OSBPL3: variants seen among roughly 807,000 people sequenced by gnomAD.
OSBPL3 encodes the protein oxysterol-binding protein-related protein 3.
Under a neutral mutation model 120.1 loss-of-function variants are expected in OSBPL3, and 65 were observed. That is an observed-to-expected ratio of 0.54 (90% CI 0.44 to 0.67). The LOEUF is 0.67. Among genes scored for constraint, OSBPL3 ranks in the 30% least tolerant of loss-of-function variants. The pLI is 0.00. For missense variants in OSBPL3, 1,004 were observed against 1,082.1 expected, an observed-to-expected ratio of 0.93 and a Z score of 1.01; for synonymous variants, 416 against 402.6, an observed-to-expected ratio of 1.03 and a Z score of -0.40.
At chr7:24,845,445 ATG>A (rs112776265) in intron 12 of OSBPL3, among the ~76,000 whole-genome samples, 48 of 114,790 alleles carry the variant, frequency 4.2e-4, no homozygotes, top group East Asian at 2.3e-3. Context: ...ATTTGTGTGT[ATG>A]TGTGTGTGTG....
Position 24,830,738 on chromosome 7 carries a change from C to T in OSBPL3, c.1884+30G>A, listed in dbSNP as rs780774366. On this transcript the variant is annotated intron_variant, in intron 16 of 22. Transcript: ENST00000313367. The surrounding 1 kb of genome is among the most constrained non-coding windows in gnomAD (Gnocchi z 4.4). The stretch of plus-strand genomic sequence containing the variant: ...TTAATGGGAGACATAAGCAACCCCT[C>T]CCAACAAGCAAAAAATGGTGTACAT... 1.9e-6 allele frequency: 3 copies of T among 1,584,096 alleles called. No homozygotes were observed. The South Asian group carries it at 3.5e-5, about 19-fold the overall frequency.
At chr7:24,842,138 A>T in intron 13 of OSBPL3, 141 bp downstream of exon 13, 1 of 822,700 alleles carries the variant, frequency 1.2e-6, no homozygotes, top group Non-Finnish European at 2.0e-6. Context: ...GGTATGAGTT[A>T]TGGGAGAACT....
At chr7:24,897,615 G>A (rs1336943110) in intron 1 of OSBPL3, among the ~76,000 whole-genome samples, 4 of 152,232 alleles carry the variant, frequency 2.6e-5, no homozygotes, top group Middle Eastern at 3.4e-3. Flanking sequence ...GTGAGCCACC[G>A]CGCCCGGCCA....
rs1800807241 is a variant in OSBPL3, at chr7:24,863,099, C to A, written c.870+101G>T. On this transcript the variant is annotated intron_variant, in intron 9 of 22. Coordinates refer to ENST00000313367, the MANE Select transcript of OSBPL3 (RefSeq NM_015550.4). The surrounding 1 kb of genome is among the most constrained non-coding windows in gnomAD (Gnocchi z 5.8). ...CTGGAAAGAACAACTACAGAATATT[C>A]ACTCATCTATTCTCCTAGCTGAGTC... 3 of 787,566 alleles carry A rather than the reference C, an allele frequency of 3.8e-6. No individual in the cohort carries two copies. Among genetic ancestry groups the A allele is most frequent in the African/African-American group, 3.4e-5 (2 of 58,818 alleles). The allele number at this position is 787,566 out of a possible 1,614,324, so 48.8% of individuals were successfully genotyped here. A position where few individuals can be genotyped will look rare whatever the true frequency, so the allele number is the denominator to read the frequency against.
chr7:24,803,701 G>T lies in OSBPL3; in HGVS notation c.2567+614C>A, dbSNP rs1415378384. Among the ~76,000 whole-genome samples the T allele has an allele frequency of 6.6e-6, 1 of 152,060 alleles. No individual in the cohort carries two copies. The highest frequency in any genetic ancestry group is 6.5e-5 in the Admixed American group (1 of 15,270). Reference sequence around the variant, plus strand: ...CAGGAGAATCGCTTGAACCCAGGAGGTGGAGGCTGCAGTGAGTCAAGATGG... The same window carrying T: ...CAGGAGAATCGCTTGAACCCAGGAGTTGGAGGCTGCAGTGAGTCAAGATGG... On this transcript the variant is annotated intron_variant, in intron 22 of 22. Transcript: ENST00000313367. This position sits in a 1 kb window ranked among gnomAD's most constrained non-coding sequence, Gnocchi z 4.2.
intron 1 of OSBPL3, among the ~76,000 whole-genome samples, chr7:24,950,335 C>G (rs1814243267): frequency 6.6e-6 from 1 of 152,200 alleles, no homozygotes. Flanking sequence ...GTCCTTATAA[C>G]TAGGGCTTAC....
In OSBPL3 at chr7:24,822,425, C is replaced by T. The variant is rs1313549348; in HGVS notation, c.1885-2187G>A. On this transcript the variant is annotated intron_variant, in intron 16 of 22. Transcript: ENST00000313367. This position sits in a 1 kb window ranked among gnomAD's most constrained non-coding sequence, Gnocchi z 5.8. ...GACCAGCCTGGGCAACATAGTGAGA[C>T]ACTATCTATAATAATAATAACCATT... 6.6e-6 allele frequency among the ~76,000 whole-genome samples: 1 copy of T among 152,118 alleles called. No homozygotes were observed. The highest frequency in any genetic ancestry group is 6.6e-5 in the Admixed American group (1 of 15,264).
chr7:24,870,770 T>C lies in OSBPL3; in HGVS notation c.343A>G (p.Ile115Val). ...VMSVKKSSKC[I>V]DLDTEEHIYH... is the part of the protein sequence containing the mutation. ...ATGTGCTCCTCGGTGTCAAGGTCTA[T>C]GCATTTTGATGACTTCTTTACAGAC... The change falls in exon 5 of 23, where the codon ATA becomes GTA. Residue 115 changes from isoleucine (I) to valine (V), a missense_variant. Physicochemically the swap from Ile to Val is conservative, Grantham distance 29. This residue lies in a region of OSBPL3 where 255 missense variants were observed against 248.7 expected (regional missense o/e 1.03). Transcript: ENST00000313367. The C allele has an allele frequency of 1.2e-6, 2 of 1,613,124 alleles. No homozygotes were observed. The highest frequency in any genetic ancestry group is 1.7e-6 in the Non-Finnish European group (2 of 1,178,998).
At chr7:24,903,215 C>T (rs998015768) in intron 1 of OSBPL3, among the ~76,000 whole-genome samples, 1 of 152,198 alleles carries the variant, frequency 6.6e-6, no homozygotes, top group African/African-American at 2.4e-5. Context: ...CCAGCCTCAA[C>T]TTGACAGTTC....
chr7:24,843,166 A>C (rs1232124957), intron 12 of OSBPL3, among the ~76,000 whole-genome samples: 1 of 152,130 alleles, frequency 6.6e-6, no homozygotes, highest in Non-Finnish European at 1.5e-5. Context: ...AGGATATAAC[A>C]ATGAACCAGA....
chr7:24,925,755 C>A (rs896943135), intron 1 of OSBPL3, among the ~76,000 whole-genome samples: 3 of 152,178 alleles, frequency 2.0e-5, no homozygotes, highest in Admixed American at 6.5e-5. Flanking sequence ...AGAGATAGGT[C>A]CTACTGATGG....
At chr7:24,848,709 G>A (rs2128221257) in intron 12 of OSBPL3, among the ~76,000 whole-genome samples, 1 of 152,132 alleles carries the variant, frequency 6.6e-6, no homozygotes, top group African/African-American at 2.4e-5. Flanking sequence ...AGATACTGCA[G>A]GTCAGAGAAA....
intron 2 of OSBPL3, among the ~76,000 whole-genome samples, chr7:24,875,051 C>T (rs1297569692): frequency 6.6e-6 from 1 of 152,208 alleles, no homozygotes; most frequent in Non-Finnish European, 1.5e-5. Context: ...TCCCACAATG[C>T]CTCGGTCTTG....
intron 12 of OSBPL3, among the ~76,000 whole-genome samples, chr7:24,847,651 C>T (rs1006895740): frequency 4.6e-5 from 7 of 152,052 alleles, no homozygotes; most frequent in Non-Finnish European, 8.8e-5. Context: ...CATAAATGAA[C>T]GTTATGTATT....
intron 1 of OSBPL3, among the ~76,000 whole-genome samples, chr7:24,962,695 A>G (rs1815924992): frequency 6.6e-6 from 1 of 152,206 alleles, no homozygotes; most frequent in Admixed American, 6.5e-5. Context: ...TCATGTGAAA[A>G]CAGGCTAAGA....
At chr7:24,885,216 T>A (rs538940920) in intron 2 of OSBPL3, among the ~76,000 whole-genome samples, 1 of 139,630 alleles carries the variant, frequency 7.2e-6, no homozygotes, top group African/African-American at 2.8e-5. Flanking sequence ...AGTGAGACTC[T>A]GTCTCAAAAA....
rs144422935 is a variant in OSBPL3 at position 24,808,331 on chromosome 7, GA to G, written c.2318-1430del. 1.9e-3 allele frequency among the ~76,000 whole-genome samples: 287 copies of G among 152,316 alleles called. No individual in the cohort carries two copies. The highest frequency in any genetic ancestry group is 6.4e-3 in the African/African-American group (268 of 41,568). On this transcript the variant is annotated intron_variant, in intron 20 of 22. Transcript: ENST00000313367. This position sits in a 1 kb window ranked among gnomAD's most constrained non-coding sequence, Gnocchi z 4.6. The stretch of plus-strand genomic sequence containing the variant: ...AGCTCCCCAGTAACCAGGGAGTGAA[GA>G]TAGTGCTTTTTCTTAAAGATGGGCC...
At position 24,863,028 on chromosome 7, in the gene OSBPL3, C is replaced by T. The variant is rs1468425763; in HGVS notation, c.870+172G>A. The stretch of plus-strand genomic sequence containing the variant: ...ACGATCCATTATGTGCTTATCCTAG[C>T]ACCCAGATAATCTAAGTGATTCAAT... On this transcript the variant is annotated intron_variant, in intron 9 of 22. Transcript: ENST00000313367. This position sits in a 1 kb window ranked among gnomAD's most constrained non-coding sequence, Gnocchi z 5.8. Among the ~76,000 whole-genome samples, 1 of 152,224 alleles carries T rather than the reference C, an allele frequency of 6.6e-6. No individual in the cohort carries two copies. The highest frequency in any genetic ancestry group is 1.5e-5 in the Non-Finnish European group (1 of 68,050).
At position 24,913,709 on chromosome 7, in the gene OSBPL3, C is replaced by A. The variant is rs1809158351; in HGVS notation, c.-149-21088G>T. On this transcript the variant is annotated intron_variant, in intron 1 of 22. Coordinates refer to ENST00000313367, the MANE Select transcript of OSBPL3 (RefSeq NM_015550.4). This position sits in a 1 kb window ranked among gnomAD's most constrained non-coding sequence, Gnocchi z 5.3. ...TCCCTTATCATTTGGCATTTATCTTCATAATAGTTGAAGCTGTGATTGGGA... is the reference window on the plus strand; with the variant it reads ...TCCCTTATCATTTGGCATTTATCTTAATAATAGTTGAAGCTGTGATTGGGA... Among the ~76,000 whole-genome samples the A allele has an allele frequency of 6.6e-6, 1 of 152,128 alleles. No homozygotes were observed. Among genetic ancestry groups the A allele is most frequent in the Non-Finnish European group, 1.5e-5 (1 of 68,026 alleles).
Sources: allele counts gnomAD v4.1 joint callset (sites outside exome capture counted in the v4.1 genomes callset), GRCh38; gene constraint gnomAD v4.1.1; regional missense constraint gnomAD v4.1.1; non-coding constraint Gnocchi (gnomAD v3.1); transcripts MANE v1.5; gene names NCBI Gene and HGNC (gene_info 2026-07-23, HGNC 2026-07-21).